CDKN2A: variants seen among roughly 807,000 people sequenced by gnomAD.
CDKN2A encodes the protein cyclin-dependent kinase inhibitor 2A.
A neutral mutation model predicts 11.1 loss-of-function variants in CDKN2A; 3 were observed. The ratio of observed to expected loss-of-function variants is 0.27; its 90% CI spans 0.12 to 0.70. The LOEUF is 0.70. Ranked by LOEUF, CDKN2A falls within the 30% of genes least tolerant of loss-of-function variation. The probability of loss-of-function intolerance (pLI) is 0.77; values close to 1 mark genes in which losing one functional copy is unlikely to be tolerated. For missense variants in CDKN2A, 265 were observed against 233.6 expected, an observed-to-expected ratio of 1.13 and a Z score of -0.88; for synonymous variants, 122 against 108.1, an observed-to-expected ratio of 1.13 and a Z score of -0.80.
intron 1 of CDKN2A, among the ~76,000 whole-genome samples, chr9:21,972,863 G>C (rs543225050): frequency 1.3e-5 from 2 of 152,268 alleles, no homozygotes; most frequent in African/African-American, 4.8e-5. Context: ...TGTTATATTA[G>C]TTTGAGGATG....
chr9:21,974,569 T>G lies in CDKN2A; in HGVS notation c.150+109A>C. ...CCTTCTGAAAACTCCCCAGGAAGCCTCCCCTTTTTCCGGAGAATCGAAGCG... is the reference window on the plus strand; with the variant it reads ...CCTTCTGAAAACTCCCCAGGAAGCCGCCCCTTTTTCCGGAGAATCGAAGCG... On this transcript the variant is annotated intron_variant, in intron 1 of 2. Transcript: ENST00000304494. The surrounding 1 kb of genome is among the most constrained non-coding windows in gnomAD (Gnocchi z 5.2). 6.2e-7 allele frequency: 1 copy of G among 1,613,578 alleles called. No individual in the cohort carries two copies. The highest frequency in any genetic ancestry group is 8.5e-7 in the Non-Finnish European group (1 of 1,179,978).
chr9:21,977,766 A>AT (rs549742600), upstream of CDKN2A, among the ~76,000 whole-genome samples: 52 of 152,140 alleles, frequency 3.4e-4, no homozygotes, highest in Middle Eastern at 3.4e-3. Context: ...GTAGGTAATG[A>AT]TTTTTTTTAA....
chr9:21,987,547 T>G (rs921785185), intron 2 of CDKN2A, among the ~76,000 whole-genome samples: 8 of 152,150 alleles, frequency 5.3e-5, no homozygotes, highest in African/African-American at 1.7e-4. Context: ...ATTTTCTGTC[T>G]GGTTCTGTAA....
intron 2 of CDKN2A, among the ~76,000 whole-genome samples, chr9:21,981,191 T>C (rs191699958): frequency 6.6e-4 from 77 of 116,662 alleles, no homozygotes; most frequent in Non-Finnish European, 1.1e-3. Flanking sequence ...TATATATATA[T>C]ACGTGTATAT....
chr9:21,993,673 G>C (rs1218740249), intron 2 of CDKN2A, among the ~76,000 whole-genome samples: 1 of 152,192 alleles, frequency 6.6e-6, no homozygotes, highest in African/African-American at 2.4e-5. Context: ...CACTCTCCTG[G>C]AAGGTGGGAG....
At chr9:21,970,671 A>G in intron 2 of CDKN2A, 1 of 629,322 alleles carries the variant, frequency 1.6e-6, no homozygotes, top group African/African-American at 1.8e-5. Flanking sequence ...TTTGGGAAGT[A>G]TAATGTACAA....
chr9:21,972,972 T>G (rs1587336050), intron 1 of CDKN2A, among the ~76,000 whole-genome samples: 2 of 152,360 alleles, frequency 1.3e-5, no homozygotes, highest in Admixed American at 1.3e-4. Flanking sequence ...AATTATATTA[T>G]GGTTATTAAA....
chr9:21,974,412 A>C lies in CDKN2A; in HGVS notation c.150+266T>G. 6.2e-7 allele frequency: 1 copy of C among 1,600,914 alleles called. No homozygotes were observed. Among genetic ancestry groups the C allele is most frequent in the Non-Finnish European group, 8.5e-7 (1 of 1,172,218 alleles). Reference sequence around the variant, plus strand: ...TCTGATAAAGAGCATACTTCCATCTAATACAAATATGTTCCCCCCTTCAGA... The same window carrying C: ...TCTGATAAAGAGCATACTTCCATCTCATACAAATATGTTCCCCCCTTCAGA... On this transcript the variant is annotated intron_variant, in intron 1 of 2. Transcript: ENST00000304494. The surrounding 1 kb of genome is among the most constrained non-coding windows in gnomAD (Gnocchi z 5.2).
intron 2 of CDKN2A, among the ~76,000 whole-genome samples, chr9:21,984,282 A>G (rs908498811): frequency 1.3e-5 from 2 of 151,944 alleles, no homozygotes; most frequent in Admixed American, 6.6e-5. Context: ...TGACAGAAGA[A>G]TTTCCAAAAA....
At chr9:21,970,231 T>C (rs953758626) in intron 2 of CDKN2A, 6 of 238,386 alleles carry the variant, frequency 2.5e-5, no homozygotes, top group Non-Finnish European at 4.1e-5. Flanking sequence ...AGGACCATAA[T>C]TCTACCTTCA....
chr9:21,988,478 T>C lies in CDKN2A; in HGVS notation c.-4+5404A>G, dbSNP rs985346701. Among the ~76,000 whole-genome samples the C allele has an allele frequency of 6.6e-6, 1 of 152,170 alleles. No individual in the cohort carries two copies. Among genetic ancestry groups the C allele is most frequent in the African/African-American group, 2.4e-5 (1 of 41,416 alleles). ...AATGAAACCATCATTCCAGGGCTCA[T>C]GAATTAAATGAATGCACTGAGAGAC... On this transcript the variant is annotated intron_variant, in intron 2 of 3. Coordinates refer to the CDKN2A transcript ENST00000494262. The surrounding 1 kb of genome is among the most constrained non-coding windows in gnomAD (Gnocchi z 4.1).
intron 2 of CDKN2A, among the ~76,000 whole-genome samples, chr9:21,982,806 T>A (rs1210415337): frequency 1.3e-5 from 2 of 152,044 alleles, no homozygotes; most frequent in East Asian, 3.8e-4. Context: ...GTTTTATATG[T>A]GTAATTTATA....
rs533186738 is a variant in CDKN2A at position 21,987,833 on chromosome 9, T to C, written c.-4+6049A>G. On this transcript the variant is annotated intron_variant, in intron 2 of 3. Transcript: ENST00000494262. ...CAGAAATAAGGTTTAAAAAGTAAAATTGGTCATATTTGTCAAATTGTGTCC... is the reference window on the plus strand; with the variant it reads ...CAGAAATAAGGTTTAAAAAGTAAAACTGGTCATATTTGTCAAATTGTGTCC... 5.3e-5 allele frequency among the ~76,000 whole-genome samples: 8 copies of C among 152,272 alleles called. No individual in the cohort carries two copies. The East Asian group carries it at 5.8e-4, about 11-fold the overall frequency.
At position 21,968,504 on chromosome 9, in the gene CDKN2A, C is replaced by G. The variant is rs918245925; in HGVS notation, c.458-262G>C. 1 of 1,451,670 alleles carries G rather than the reference C, an allele frequency of 6.9e-7. No individual in the cohort carries two copies. The highest frequency in any genetic ancestry group is 2.6e-5 in the Admixed American group (1 of 37,878). The allele number at this position is 1,451,670 out of a possible 1,614,324, so 89.9% of individuals were successfully genotyped here. ...TCCACCCGGCGGAGGGCAGAGAAAG[C>G]GCGACCGCGCGGCCCGCAGGGTTGC... On this transcript the variant is annotated intron_variant, in intron 2 of 2. Transcript: ENST00000304494. The surrounding 1 kb of genome is among the most constrained non-coding windows in gnomAD (Gnocchi z 4.7).
Position 21,987,432 on chromosome 9 carries a change from CAGAGAGAG to C in CDKN2A, c.-4+6442_-4+6449del, listed in dbSNP as rs57973132. Among the ~76,000 whole-genome samples, 779 of 138,228 alleles carry C rather than the reference CAGAGAGAG, an allele frequency of 5.6e-3. 3 individuals are homozygous for C. Among genetic ancestry groups the C allele is most frequent in the Non-Finnish European group, 7.2e-3 (464 of 64,210 alleles). 90.7% of individuals were successfully genotyped at this position (138,228 alleles called of 152,430 possible). The stretch of plus-strand genomic sequence containing the variant: ...ACACACACACACACACACACACACA[CAGAGAGAG>C]AGAGAGAGAGAGAGAGATCCATTCA... On this transcript the variant is annotated intron_variant, in intron 2 of 3. Transcript: ENST00000494262.
intron 2 of CDKN2A, among the ~76,000 whole-genome samples, chr9:21,981,631 C>CTTT (rs5896958): frequency 3.4e-5 from 5 of 145,896 alleles, no homozygotes; most frequent in Admixed American, 2.7e-4. Flanking sequence ...GAAAAAATGA[C>CTTT]TTTTTTTTTT....
intron 1 of CDKN2A, among the ~76,000 whole-genome samples, chr9:21,972,994 G>A (rs1414409633): frequency 6.6e-6 from 1 of 152,130 alleles, no homozygotes; most frequent in Non-Finnish European, 1.5e-5. Context: ...CCTGTCCTGA[G>A]AAAGTGAAAC....
At chr9:21,970,425 C>T (rs1183515751) in intron 2 of CDKN2A, 2 of 348,082 alleles carry the variant, frequency 5.7e-6, no homozygotes, top group Admixed American at 4.5e-5. Context: ...TTGAGTTGTG[C>T]AGAAGAGCCG....
chr9:21,994,511 C>A, intron 1 of CDKN2A: 1 of 1,331,138 alleles, frequency 7.5e-7, no homozygotes, highest in Non-Finnish European at 9.9e-7. Flanking sequence ...CCCACCTTCA[C>A]CCCCACCCCC....
Sources: gnomAD v4.1 joint callset for allele counts (sites outside exome capture counted in the v4.1 genomes callset) on GRCh38, gnomAD v4.1.1 for gene constraint, Gnocchi (gnomAD v3.1) non-coding constraint, MANE v1.5 for transcripts, NCBI Gene and HGNC (gene_info 2026-07-23, HGNC 2026-07-21) for gene names.